The following SBF2 variants were observed in gnomAD, a reference collection of about 807,000 sequenced individuals.
The protein encoded by SBF2 is SET binding factor 2, also known as myotubularin-related protein 13.
Under a neutral mutation model 225.2 loss-of-function variants are expected in SBF2, and 112 were observed. The observed-to-expected ratio is 0.50, with a 90% CI of 0.43 to 0.58. The LOEUF (loss-of-function observed/expected upper bound fraction) is 0.58. Ranked by LOEUF, SBF2 falls within the 20% of genes least tolerant of loss-of-function variation. The pLI is 0.00. For synonymous variants in SBF2, 763 were observed against 773.3 expected, an observed-to-expected ratio of 0.99 and a Z score of 0.22; for missense variants, 1,996 against 2,206.2, an observed-to-expected ratio of 0.90 and a Z score of 1.91.
At chr11:9,812,838 A>C in intron 29 of SBF2, 130 bp from the exon 30 acceptor site, 1 of 869,620 alleles carries the variant, frequency 1.1e-6, no homozygotes, top group Admixed American at 2.0e-5. Flanking sequence ...CAATGGGTCA[A>C]GAAAGTCAAT....
At chr11:9,862,666 A>T (rs529821997) in intron 17 of SBF2, among the ~76,000 whole-genome samples, 1 of 152,346 alleles carries the variant, frequency 6.6e-6, no homozygotes, top group South Asian at 2.1e-4. Context: ...CAGTAGCAGT[A>T]ATTTTAGTAA....
intron 1 of SBF2, among the ~76,000 whole-genome samples, chr11:10,238,352 G>A (rs945037637): frequency 3.3e-5 from 5 of 151,892 alleles, no homozygotes; most frequent in African/African-American, 9.7e-5. Context: ...TGAGGCTGTG[G>A]TGAGCCATGA....
At chr11:10,210,526 A>T (rs1957900373) in intron 1 of SBF2, among the ~76,000 whole-genome samples, 1 of 152,178 alleles carries the variant, frequency 6.6e-6, no homozygotes, top group African/African-American at 2.4e-5. Context: ...TTGCCCTGCT[A>T]AAACACAAGA....
At chr11:10,054,904 T>G (rs1422326567) in intron 2 of SBF2, among the ~76,000 whole-genome samples, 1 of 151,996 alleles carries the variant, frequency 6.6e-6, no homozygotes, top group Non-Finnish European at 1.5e-5. Flanking sequence ...TGTTTTTTTT[T>G]TGTTTTTTTG....
At chr11:9,890,986 A>G (rs1166667789) in intron 17 of SBF2, among the ~76,000 whole-genome samples, 2 of 152,042 alleles carry the variant, frequency 1.3e-5, no homozygotes, top group Non-Finnish European at 2.9e-5. Flanking sequence ...AAATGCAAAA[A>G]TTAGCCGGGC....
In SBF2 at chr11:9,829,500, T is replaced by C. The variant is rs764956946; in HGVS notation, c.3653-4A>G. The C allele has an allele frequency of 2.2e-5, 35 of 1,600,602 alleles. No homozygotes were observed. The highest frequency in any genetic ancestry group is 2.2e-5 in the Non-Finnish European group (26 of 1,167,858). ...GATTCTAAAGAGGAGGTAGGAGCTA[T>C]AAAAGGAAAATATATTGAATAAAAT... On this transcript the variant is annotated splice_polypyrimidine_tract_variant and splice_region_variant and intron_variant, in intron 27 of 39. Transcript: ENST00000256190.
chr11:10,263,170 G>A (rs1961609534), intron 1 of SBF2, among the ~76,000 whole-genome samples: 1 of 151,654 alleles, frequency 6.6e-6, no homozygotes, highest in African/African-American at 2.4e-5. Context: ...AGAATCTTCT[G>A]TTATCCTTTT....
At chr11:10,156,461 G>A (rs1376408615) in intron 2 of SBF2, among the ~76,000 whole-genome samples, 1 of 152,176 alleles carries the variant, frequency 6.6e-6, no homozygotes, top group Admixed American at 6.5e-5. Flanking sequence ...CCACCTTCAG[G>A]CCAAGGATAG....
At position 10,001,954 on chromosome 11, in the gene SBF2, C is replaced by T. The variant is rs899336055; in HGVS notation, c.752+603G>A. ...GAGGTATAATATTCTAGTTACAGCA[C>T]TATTAGTCATCACTGTTTAGATTTT... On this transcript the variant is annotated intron_variant, in intron 7 of 39. Transcript: ENST00000256190. Among the ~76,000 whole-genome samples, 6 of 152,000 alleles carry T rather than the reference C, an allele frequency of 3.9e-5. No homozygotes were observed. In the East Asian group the frequency reaches 1.2e-3, roughly 29 times the overall value.
chr11:10,013,027 C>T (rs1948515684), intron 6 of SBF2, among the ~76,000 whole-genome samples: 1 of 152,092 alleles, frequency 6.6e-6, no homozygotes, highest in Non-Finnish European at 1.5e-5. Context: ...GGTTGGAGCA[C>T]GTTCATAGTT....
intron 1 of SBF2, among the ~76,000 whole-genome samples, chr11:10,230,716 C>T (rs758898789): frequency 2.6e-5 from 4 of 152,262 alleles, no homozygotes; most frequent in African/African-American, 4.8e-5. Flanking sequence ...GTGGGTAACC[C>T]GACCTTTCTC....
At chr11:10,200,010 T>C (rs1957516521) in intron 1 of SBF2, among the ~76,000 whole-genome samples, 3 of 152,282 alleles carry the variant, frequency 2.0e-5, no homozygotes, top group Admixed American at 2.0e-4. Context: ...GGGCATGCTA[T>C]TGTAATCCCA....
At position 9,916,739 on chromosome 11, in the gene SBF2, C is replaced by T. The variant is rs935418625; in HGVS notation, c.1861-20728G>A. Among the ~76,000 whole-genome samples the T allele has an allele frequency of 8.6e-5, 13 of 151,630 alleles. No individual in the cohort carries two copies. In the South Asian group the frequency reaches 2.3e-3, roughly 27 times the overall value. ...AGCCTCCTGAGTAGCTGAGATTACA[C>T]ACATCTGGCTAATTTTTAAATTTTT... On this transcript the variant is annotated intron_variant, in intron 16 of 39. Transcript: ENST00000256190.
At chr11:10,057,660 G>A (rs1475311526) in intron 2 of SBF2, among the ~76,000 whole-genome samples, 2 of 152,136 alleles carry the variant, frequency 1.3e-5, no homozygotes, top group Non-Finnish European at 2.9e-5. Context: ...GCTGAGGAAG[G>A]AACATAAACA....
intron 26 of SBF2, chr11:9,839,009 G>C (rs1177017241): frequency 5.5e-6 from 1 of 180,680 alleles, no homozygotes; most frequent in Non-Finnish European, 1.2e-5. Context: ...ATAGCCTGTG[G>C]GCCAAAACTG....
upstream of SBF2, among the ~76,000 whole-genome samples, chr11:10,296,416 T>C (rs1591385358): frequency 6.6e-6 from 1 of 152,224 alleles, no homozygotes. Flanking sequence ...CAAGAGAGCT[T>C]ATGCAGAACT....
In SBF2 at chr11:10,238,458, G is replaced by A. The variant is rs1959165819; in HGVS notation, c.56-44471C>T. On this transcript the variant is annotated intron_variant, in intron 1 of 39. Coordinates refer to ENST00000256190, the MANE Select transcript of SBF2 (RefSeq NM_030962.4). ...ACATGAAAACACTAACCAAAAGAAG[G>A]CTGGTGTAGCTCTATTAACTTCAAA... is the stretch of plus-strand genomic sequence containing the variant. Among the ~76,000 whole-genome samples, 2 of 152,044 alleles carry A rather than the reference G, an allele frequency of 1.3e-5. 1 individual carries two copies. Among genetic ancestry groups the A allele is most frequent in the South Asian group, 4.2e-4 (2 of 4,816 alleles).
At chr11:10,231,940 C>T (rs1958867833) in intron 1 of SBF2, among the ~76,000 whole-genome samples, 2 of 152,260 alleles carry the variant, frequency 1.3e-5, no homozygotes, top group Non-Finnish European at 2.9e-5. Context: ...CGTCCTTGAG[C>T]TGTGGTGGGC....
chr11:9,954,872 A>G (rs2134337054), intron 16 of SBF2, among the ~76,000 whole-genome samples: 1 of 152,238 alleles, frequency 6.6e-6, no homozygotes, highest in East Asian at 1.9e-4. Flanking sequence ...AGAAAGTACT[A>G]ATAGCAAAAA....
Sources: allele counts gnomAD v4.1 joint callset (sites outside exome capture counted in the v4.1 genomes callset), GRCh38; gene constraint gnomAD v4.1.1; transcripts MANE v1.5; gene names NCBI Gene and HGNC (gene_info 2026-07-23, HGNC 2026-07-21).